MACF1: variants seen among roughly 807,000 people sequenced by gnomAD.
MACF1 encodes microtubule-actin cross-linking factor 1.
A neutral mutation model predicts 854.8 loss-of-function variants in MACF1; 193 were observed. The observed-to-expected ratio is 0.23, with a 90% CI of 0.20 to 0.25. The LOEUF is 0.25. Ranked by LOEUF, MACF1 falls within the 10% of genes least tolerant of loss-of-function variation. MACF1 has a pLI of 1.00. For missense variants in MACF1, 7,722 were observed against 8,929.1 expected (o/e 0.86, Z 5.45); for synonymous variants, 3,185 against 3,226.7 (o/e 0.99, Z 0.44).
At chr1:39,414,225 C>T (rs1263325161) in intron 58 of MACF1, 4 of 1,613,866 alleles carry the variant, frequency 2.5e-6, no homozygotes, top group African/African-American at 1.3e-5. Flanking sequence ...AGGTGCCTGC[C>T]ATCCCAGCTG....
At chr1:39,437,096 A>G (rs1446237858) in intron 70 of MACF1, among the ~76,000 whole-genome samples, 2 of 152,168 alleles carry the variant, frequency 1.3e-5, no homozygotes, top group Non-Finnish European at 1.5e-5. Context: ...CTGTCATCTC[A>G]GATGTTGACA....
chr1:39,404,153 A>AAG (rs1557633496), intron 58 of MACF1, among the ~76,000 whole-genome samples: 10 of 90,580 alleles, frequency 1.1e-4, no homozygotes, highest in African/African-American at 8.1e-4. Flanking sequence ...AAGTAAGTAA[A>AAG]TAAATAAATA....
In MACF1 at chr1:39,451,224, T is replaced by C. The variant is rs1644335372; in HGVS notation, c.20418+13T>C. ...GGATGCACACAAGGTAGGGGTGAGG[T>C]CTGGGCTACATTGGAGTGCAGTGGG... On this transcript the variant is annotated intron_variant, in intron 85 of 100. Transcript: ENST00000564288. 6.2e-7 allele frequency: 1 copy of C among 1,612,070 alleles called. No homozygotes were observed. The highest frequency in any genetic ancestry group is 1.3e-5 in the African/African-American group (1 of 74,850).
intron 97 of MACF1, among the ~76,000 whole-genome samples, chr1:39,477,059 A>ACT (rs1644902482): frequency 9.6e-5 from 2 of 20,822 alleles, no homozygotes; most frequent in Non-Finnish European, 1.6e-4. Context: ...ATATATATAT[A>ACT]TATATATATA....
At position 39,480,123 on chromosome 1, in the gene MACF1, A is replaced by G. The variant is rs1644987227; in HGVS notation, c.22170+114A>G. On this transcript the variant is annotated intron_variant, in intron 98 of 100. Transcript: ENST00000564288. ...GAGGAGAAGAAATAAAAATGAAAAC[A>G]TGTTTTCTATTTTAGAAATAAAACG... is the stretch of plus-strand genomic sequence containing the variant. 5 of 599,812 alleles carry G rather than the reference A, an allele frequency of 8.3e-6. No individual in the cohort carries two copies. The Admixed American group carries it at 1.1e-4, about 14-fold the overall frequency. 37.2% of individuals were successfully genotyped at this position (599,812 alleles called of 1,614,324 possible). A position where few individuals can be genotyped will look rare whatever the true frequency, so the allele number is the denominator to read the frequency against.
intron 57 of MACF1, among the ~76,000 whole-genome samples, chr1:39,386,245 C>CTTTTTTTTTTT (rs59189873): frequency 1.4e-5 from 2 of 143,072 alleles, no homozygotes; most frequent in Non-Finnish European, 1.5e-5. Context: ...TTGATACCCA[C>CTTTTTTTTTTT]TTTTTTTTTT....
At chr1:39,287,752 C>T (rs1645673037) in intron 15 of MACF1, 190 bp downstream of exon 15, 2 of 629,092 alleles carry the variant, frequency 3.2e-6, no homozygotes, top group Non-Finnish European at 5.4e-6. Flanking sequence ...AGTGATCCTC[C>T]TGCCTCAGTC....
At chr1:39,163,282 C>T (rs1215981759) in intron 2 of MACF1, among the ~76,000 whole-genome samples, 3 of 124,018 alleles carry the variant, frequency 2.4e-5, no homozygotes, top group Non-Finnish European at 3.2e-5. Context: ...ATCCAAGAGG[C>T]GGAGGCTGCA....
intron 2 of MACF1, among the ~76,000 whole-genome samples, chr1:39,111,366 TTTTATTTATTTA>T (rs34525332): frequency 9.7e-4 from 144 of 148,250 alleles, no homozygotes; most frequent in African/African-American, 3.2e-3. Context: ...CAGCTAATTA[TTTTATTTATTTA>T]TTTATTTATT....
chr1:39,486,655 C>T lies in MACF1; in HGVS notation c.*861C>T, dbSNP rs576610632. On this transcript the variant is annotated 3_prime_UTR_variant, in exon 101 of 101. Coordinates refer to ENST00000564288, the MANE Select transcript of MACF1 (RefSeq NM_001394062.1). ...TTATTTAAATGGTCGATCAACTTCCCACAAACTGAGGAATGAATTCCACGA... is the reference window on the plus strand; with the variant it reads ...TTATTTAAATGGTCGATCAACTTCCTACAAACTGAGGAATGAATTCCACGA... 4 of 152,706 alleles carry T rather than the reference C, an allele frequency of 2.6e-5. No homozygotes were observed. The highest frequency in any genetic ancestry group is 1.3e-4 in the Admixed American group (2 of 15,298). 9.5% of individuals were successfully genotyped at this position (152,706 alleles called of 1,614,324 possible).
chr1:39,218,925 C>T (rs374017228), intron 1 of MACF1, among the ~76,000 whole-genome samples: 2 of 152,196 alleles, frequency 1.3e-5, no homozygotes, highest in East Asian at 1.9e-4. Context: ...GGATTACAGG[C>T]GTGTGCCACC....
chr1:39,313,297 CT>C (rs1396117826), intron 26 of MACF1, among the ~76,000 whole-genome samples: 1 of 152,110 alleles, frequency 6.6e-6, no homozygotes, highest in African/African-American at 2.4e-5. Context: ...CCTATTTTCC[CT>C]TTGTAATTAC....
At chr1:39,131,981 G>A (rs1643016581) in intron 2 of MACF1, among the ~76,000 whole-genome samples, 1 of 152,088 alleles carries the variant, frequency 6.6e-6, no homozygotes, top group Admixed American at 6.6e-5. Context: ...GTTATTTTGC[G>A]GTTCCTTTAC....
chr1:39,229,209 TC>T (rs1164723282), intron 1 of MACF1, among the ~76,000 whole-genome samples: 1 of 152,190 alleles, frequency 6.6e-6, no homozygotes, highest in African/African-American at 2.4e-5. Flanking sequence ...CTATATAATT[TC>T]TAAGGTCCAT....
chr1:39,190,294 T>C (rs1490279693), intron 2 of MACF1, among the ~76,000 whole-genome samples: 1 of 151,836 alleles, frequency 6.6e-6, no homozygotes, highest in African/African-American at 2.4e-5. Flanking sequence ...TTCTTTCTTT[T>C]TTCCTCCCCT....
intron 72 of MACF1, among the ~76,000 whole-genome samples, 175 bp downstream of exon 72, chr1:39,439,675 G>A (rs1433348162): frequency 6.6e-6 from 1 of 152,182 alleles, no homozygotes; most frequent in Non-Finnish European, 1.5e-5. Flanking sequence ...GCATGATCTT[G>A]ACTCACTGCA....
In MACF1 at chr1:39,233,808, T is replaced by TTTTTTTTG. The variant is rs755591226; in HGVS notation, c.171+2565_171+2566insTTTTTTTG. On this transcript the variant is annotated intron_variant, in intron 2 of 100. Coordinates refer to ENST00000564288, the MANE Select transcript of MACF1 (RefSeq NM_001394062.1). ...TTTTTTTTTTTTTTTATTTATTTTT[T>TTTTTTTTG]ATTGATAATTCTTGGGTGTTTCTCA... Among the ~76,000 whole-genome samples, 2 of 65,856 alleles carry TTTTTTTTG rather than the reference T, an allele frequency of 3.0e-5. 1 individual carries two copies. The highest frequency in any genetic ancestry group is 6.6e-5 in the Non-Finnish European group (2 of 30,150). 43.2% of individuals were successfully genotyped at this position (65,856 alleles called of 152,430 possible). A position where few individuals can be genotyped will look rare whatever the true frequency, so the allele number is the denominator to read the frequency against.
In MACF1 at chr1:39,310,365, T is replaced by C. The variant is rs771677552; in HGVS notation, c.3037T>C (p.Leu1013=). ...VLFSVADRLR[L]EEEVEACKAR... ...GTTCTCAGTGGCTGATCGCTTGCGC[T>C]TGGAAGAGGAGGTGGAAGCTTGTAA... Residue 1013 remains leucine, a synonymous_variant, in exon 25 of 101, where the codon TTG becomes CTG. Transcript: ENST00000564288. 5.6e-6 allele frequency: 9 copies of C among 1,614,136 alleles called. No homozygotes were observed. The highest frequency in any genetic ancestry group is 6.8e-6 in the Non-Finnish European group (8 of 1,180,012).
At chr1:39,234,534 C>G in intron 2 of MACF1, among the ~76,000 whole-genome samples, 1 of 126,374 alleles carries the variant, frequency 7.9e-6, no homozygotes, top group Non-Finnish European at 1.7e-5. Flanking sequence ...GGGCGGCTGG[C>G]CTGGCGGGGG....
Sources: allele counts gnomAD v4.1 joint callset (sites outside exome capture counted in the v4.1 genomes callset), GRCh38; gene constraint gnomAD v4.1.1; transcripts MANE v1.5; gene names NCBI Gene and HGNC (gene_info 2026-07-23, HGNC 2026-07-21).